NSD1: variants seen among roughly 807,000 people sequenced by gnomAD.
NSD1 encodes nuclear receptor binding SET domain protein 1, also known as histone-lysine N-methyltransferase, H3 lysine-36 specific.
NSD1 carries 26 observed loss-of-function variants against 242.7 expected under a neutral mutation model. That is an observed-to-expected ratio of 0.11 (90% CI 0.08 to 0.15). The LOEUF is 0.15. Ranked by LOEUF, NSD1 falls within the 10% of genes least tolerant of loss-of-function variation. The pLI is 1.00. For synonymous variants in NSD1, 1,106 were observed against 1,178.1 expected, an observed-to-expected ratio of 0.94 and a Z score of 1.25; for missense variants, 2,495 against 3,272.8, an observed-to-expected ratio of 0.76 and a Z score of 5.80.
intron 2 of NSD1, among the ~76,000 whole-genome samples, chr5:177,183,835 A>G (rs1326554124): frequency 6.6e-6 from 1 of 152,012 alleles, no homozygotes. Context: ...GTCTATCAGC[A>G]TGAGTTCTAT....
intron 2 of NSD1, among the ~76,000 whole-genome samples, chr5:177,137,705 A>G (rs887627055): frequency 1.3e-5 from 2 of 152,092 alleles, no homozygotes; most frequent in African/African-American, 4.8e-5. Context: ...GAGAATGGAG[A>G]TAGATGTTTC....
intron 5 of NSD1, among the ~76,000 whole-genome samples, chr5:177,233,715 T>C (rs572529693): frequency 6.6e-6 from 1 of 152,106 alleles, no homozygotes; most frequent in African/African-American, 2.4e-5. Context: ...TTCACAAACA[T>C]TTTATAGCAG....
At chr5:177,225,362 T>G (rs1764555313) in intron 5 of NSD1, among the ~76,000 whole-genome samples, 1 of 152,090 alleles carries the variant, frequency 6.6e-6, no homozygotes, top group Non-Finnish European at 1.5e-5. Context: ...AGGCTGGTCT[T>G]GAACTCCTGA....
At chr5:177,174,960 C>A (rs1760065542) in intron 2 of NSD1, among the ~76,000 whole-genome samples, 1 of 150,622 alleles carries the variant, frequency 6.6e-6, no homozygotes, top group African/African-American at 2.5e-5. Flanking sequence ...CAAGCTCTGC[C>A]TCCTGGGTTC....
rs1456183314 is a variant in NSD1 at position 177,299,947 on chromosome 5, G to C, written c.*4488G>C. On this transcript the variant is annotated 3_prime_UTR_variant, in exon 23 of 23. Transcript: ENST00000439151. ...GCAGCACACAGCAGCTCATGGCAGA[G>C]CCGCCTCCTAGGTCTTGGCAAAGAG... The C allele has an allele frequency of 1.3e-5, 3 of 232,954 alleles. No individual in the cohort carries two copies. The highest frequency in any genetic ancestry group is 5.6e-5 in the Admixed American group (1 of 17,752). The allele number at this position is 232,954 out of a possible 1,614,324, so 14.4% of individuals were successfully genotyped here.
At chr5:177,174,159 G>C (rs1391341703) in intron 2 of NSD1, among the ~76,000 whole-genome samples, 1 of 152,046 alleles carries the variant, frequency 6.6e-6, no homozygotes, top group Admixed American at 6.6e-5. Context: ...GAGGTCAAGA[G>C]ATCGAGACCA....
At position 177,238,378 on chromosome 5, in the gene NSD1, C is replaced by G; in HGVS notation, c.4063C>G (p.Pro1355Ala). The G allele has an allele frequency of 6.2e-7, 1 of 1,614,018 alleles. No homozygotes were observed. The highest frequency in any genetic ancestry group is 8.5e-7 in the Non-Finnish European group (1 of 1,179,970). The stretch of plus-strand genomic sequence containing the variant: ...AAGGGAGGCTCCGTTTTTGGAGGGC[C>G]CCTTGGCTCAGTCAGAACTTGGAGG... ...LEREAPFLEG[P>A]LAQSELGGGH... Residue 1355 changes from proline (P) to alanine (A), a missense_variant, in exon 7 of 23, where the codon CCC (proline) becomes GCC (alanine). Physicochemically the swap from Pro to Ala is conservative, Grantham distance 27. Around this residue, in one of 19 missense-constraint regions of NSD1, gnomAD observed 100 missense variants for 190.7 expected, o/e 0.52. Coordinates refer to ENST00000439151, the MANE Select transcript of NSD1 (RefSeq NM_022455.5). The surrounding 1 kb of genome is among the most constrained non-coding windows in gnomAD (Gnocchi z 4.6).
Position 177,239,799 on chromosome 5 carries a change from T to C in NSD1, c.4236T>C (p.Leu1412=), listed in dbSNP as rs544668083. 1 of 1,613,240 alleles carries C rather than the reference T, an allele frequency of 6.2e-7. No individual in the cohort carries two copies. Among genetic ancestry groups the C allele is most frequent in the South Asian group, 1.1e-5 (1 of 91,030 alleles). ...SKRQRKPTKK[L]LESNDLDPGF... ...GTCAAAGAAAACCAACTAAGAAACT[T>C]CTTGAATCCAATGATTTAGACCCTG... Residue 1412 remains leucine (L), a synonymous_variant, in exon 8 of 23, where the codon CTT becomes CTC. Coordinates refer to ENST00000439151, the MANE Select transcript of NSD1 (RefSeq NM_022455.5).
At chr5:177,207,593 A>AATT (rs1762984619) in intron 4 of NSD1, among the ~76,000 whole-genome samples, 1 of 78,220 alleles carries the variant, frequency 1.3e-5, no homozygotes, top group Admixed American at 1.5e-4. Flanking sequence ...ATTTATTTAA[A>AATT]TTTTTTTTTT....
At chr5:177,257,226 TTC>T (rs1756547539) in intron 13 of NSD1, 75 bp downstream of exon 13, 158 of 1,195,792 alleles carry the variant, frequency 1.3e-4, no homozygotes, top group Middle Eastern at 2.0e-4. Flanking sequence ...TCTTTTTTCT[TTC>T]TTTTTTTTTT....
At chr5:177,214,474 A>C (rs991069595) in intron 5 of NSD1, among the ~76,000 whole-genome samples, 1 of 152,180 alleles carries the variant, frequency 6.6e-6, no homozygotes, top group Admixed American at 6.5e-5. Context: ...CCATTGAACA[A>C]CAACTCCTGA....
Position 177,246,784 on chromosome 5 carries a change from T to C in NSD1, c.4485T>C (p.Ile1495=), listed in dbSNP as rs1200689312. The C allele has an allele frequency of 1.9e-6, 3 of 1,612,004 alleles. No individual in the cohort carries two copies. Among genetic ancestry groups the C allele is most frequent in the Non-Finnish European group, 2.5e-6 (3 of 1,178,110 alleles). The change falls in exon 10 of 23, where the codon ATT becomes ATC. Residue 1495 remains isoleucine (I), a synonymous_variant. Coordinates refer to ENST00000439151, the MANE Select transcript of NSD1 (RefSeq NM_022455.5). ...AAAATGATGACTCGTCAAAAGAGAT[T>C]CCAGGCTCAGAGGTATTACTCAGTT... ...KVKNDDSSKE[I]PGSEGELMPH...
intron 2 of NSD1, among the ~76,000 whole-genome samples, chr5:177,187,581 A>T (rs1562174774): frequency 6.6e-6 from 1 of 152,168 alleles, no homozygotes; most frequent in Non-Finnish European, 1.5e-5. Flanking sequence ...TCAGTTCGGG[A>T]AGCTAGAAGT....
intron 2 of NSD1, among the ~76,000 whole-genome samples, chr5:177,162,307 A>C (rs1311134396): frequency 1.3e-5 from 2 of 152,062 alleles, no homozygotes; most frequent in African/African-American, 4.8e-5. Flanking sequence ...TAAAAAAAAA[A>C]AAAAATCTAG....
Position 177,295,679 on chromosome 5 carries a change from C to T in NSD1, c.*220C>T. The T allele has an allele frequency of 1.6e-6, 1 of 610,424 alleles. No homozygotes were observed. Among genetic ancestry groups the T allele is most frequent in the Non-Finnish European group, 2.9e-6 (1 of 344,574 alleles). 37.8% of individuals were successfully genotyped at this position (610,424 alleles called of 1,614,324 possible). A position where few individuals can be genotyped will look rare whatever the true frequency, so the allele number is the denominator to read the frequency against. On this transcript the variant is annotated 3_prime_UTR_variant, in exon 23 of 23. Transcript: ENST00000439151. The surrounding 1 kb of genome is among the most constrained non-coding windows in gnomAD (Gnocchi z 4.3). The stretch of plus-strand genomic sequence containing the variant: ...TGTATGAAAATCCAGTGGGCCCCAA[C>T]CAAGGAGACAGACAGACTTGGGTCT...
intron 2 of NSD1, among the ~76,000 whole-genome samples, chr5:177,153,087 G>A (rs973714595): frequency 2.0e-5 from 3 of 152,078 alleles, no homozygotes; most frequent in Non-Finnish European, 4.4e-5. Context: ...AAGTGTTAGG[G>A]CAGGTCATTA....
chr5:177,142,755 A>G (rs988938844), intron 2 of NSD1, among the ~76,000 whole-genome samples: 3 of 152,186 alleles, frequency 2.0e-5, no homozygotes, highest in Non-Finnish European at 4.4e-5. Context: ...TATCCTGTGT[A>G]AAATTACTTC....
intron 20 of NSD1, chr5:177,288,535 A>G (rs1444718977): frequency 8.3e-6 from 3 of 361,164 alleles, no homozygotes; most frequent in East Asian, 6.0e-5. Context: ...CATATTTTGA[A>G]TCTGAATGGT....
chr5:177,176,761 A>C (rs549411117), intron 2 of NSD1, among the ~76,000 whole-genome samples: 19 of 152,228 alleles, frequency 1.2e-4, no homozygotes, highest in Non-Finnish European at 2.4e-4. Flanking sequence ...GGAAGAGCTT[A>C]TAACAACTTT....
Sources: allele counts gnomAD v4.1 joint callset (sites outside exome capture counted in the v4.1 genomes callset), GRCh38; gene constraint gnomAD v4.1.1; regional missense constraint gnomAD v4.1.1; non-coding constraint Gnocchi (gnomAD v3.1); transcripts MANE v1.5; gene names NCBI Gene and HGNC (gene_info 2026-07-23, HGNC 2026-07-21).